MARK2: variants seen among roughly 807,000 people sequenced by gnomAD.
MARK2 encodes microtubule affinity regulating kinase 2.
A neutral mutation model predicts 89.8 loss-of-function variants in MARK2; 16 were observed. The ratio of observed to expected loss-of-function variants is 0.18; its 90% CI spans 0.12 to 0.27. The LOEUF (loss-of-function observed/expected upper bound fraction) is 0.27. Among genes scored for constraint, MARK2 ranks in the 10% least tolerant of loss-of-function variants. The pLI is 1.00. For missense variants in MARK2, 621 were observed against 1,049.9 expected, an observed-to-expected ratio of 0.59 and a Z score of 5.65; for synonymous variants, 382 against 399.5, an observed-to-expected ratio of 0.96 and a Z score of 0.52.
chr11:63,902,992 C>CT lies in MARK2; in HGVS notation c.1417-68dup. ...GGGACAGGAAGCCTGTTCCATGAAC[C>CT]TGGGGGGAGAACCTGGCTGTAGACC... On this transcript the variant is annotated intron_variant, in intron 13 of 18. Coordinates refer to ENST00000402010, the MANE Select transcript of MARK2 (RefSeq NM_001039469.3). This position sits in a 1 kb window ranked among gnomAD's most constrained non-coding sequence, Gnocchi z 4.2. 7.3e-7 allele frequency: 1 copy of CT among 1,375,264 alleles called. No individual in the cohort carries two copies. The highest frequency in any genetic ancestry group is 1.0e-6 in the Non-Finnish European group (1 of 965,166). The allele number at this position is 1,375,264 out of a possible 1,614,324, so 85.2% of individuals were successfully genotyped here.
intron 1 of MARK2, among the ~76,000 whole-genome samples, chr11:63,859,594 C>T (rs551461608): frequency 6.6e-5 from 10 of 151,830 alleles, no homozygotes; most frequent in African/African-American, 1.9e-4. Context: ...ACTAGGATTA[C>T]AGGCACAAGC....
At chr11:63,846,770 C>T (rs2016303676) in intron 1 of MARK2, among the ~76,000 whole-genome samples, 1 of 152,002 alleles carries the variant, frequency 6.6e-6, no homozygotes, top group Admixed American at 6.6e-5. Flanking sequence ...ATTCTCCTGC[C>T]TCAGCCTCCC....
In MARK2 at chr11:63,904,113, C is replaced by T. The variant is rs189266858; in HGVS notation, c.1642C>T (p.Pro548Ser). 1 of 1,598,400 alleles carries T rather than the reference C, an allele frequency of 6.3e-7. No individual in the cohort carries two copies. The highest frequency in any genetic ancestry group is 2.2e-5 in the East Asian group (1 of 44,496). ...VHPNKASGLP[P>S]TESNCEVPRP... The stretch of plus-strand genomic sequence containing the variant: ...CCCCAACAAGGCCTCTGGGCTGCCC[C>T]CCACGGAGAGTAACTGTGAGGTGCC... The change falls in exon 15 of 19, where the codon CCC becomes TCC. Residue 548 changes from proline to serine, a missense_variant. This residue lies in a region of MARK2 where 397 missense variants were observed against 567.8 expected (regional missense o/e 0.70). Coordinates refer to ENST00000402010, the MANE Select transcript of MARK2 (RefSeq NM_001039469.3). This position sits in a 1 kb window ranked among gnomAD's most constrained non-coding sequence, Gnocchi z 6.3.
intron 1 of MARK2, among the ~76,000 whole-genome samples, chr11:63,851,957 T>G (rs2016593211): frequency 1.3e-5 from 2 of 152,136 alleles, no homozygotes; most frequent in South Asian, 4.1e-4. Context: ...TACTTGAGAA[T>G]TTTGGACACT....
intron 1 of MARK2, among the ~76,000 whole-genome samples, chr11:63,859,188 G>T (rs1937612391): frequency 6.6e-6 from 1 of 152,046 alleles, no homozygotes; most frequent in Non-Finnish European, 1.5e-5. Context: ...CAATAGCTGA[G>T]AGCTGGTAGG....
At chr11:63,859,003 C>T (rs1177051550) in intron 1 of MARK2, among the ~76,000 whole-genome samples, 1 of 152,038 alleles carries the variant, frequency 6.6e-6, no homozygotes, top group Non-Finnish European at 1.5e-5. Context: ...TTTTTTATTC[C>T]ATTAAAAAGA....
At position 63,900,502 on chromosome 11, in the gene MARK2, G is replaced by A. The variant is rs534081100; in HGVS notation, c.769-57G>A. The A allele has an allele frequency of 2.3e-5, 36 of 1,590,536 alleles. No individual in the cohort carries two copies. The South Asian group carries it at 3.8e-4, about 17-fold the overall frequency. ...AAGCTCTCAGGATCTTGGATATTAGGTTTCTTCCTTTGGCCTTGGGGTGAT... is the reference window on the plus strand; with the variant it reads ...AAGCTCTCAGGATCTTGGATATTAGATTTCTTCCTTTGGCCTTGGGGTGAT... On this transcript the variant is annotated intron_variant, in intron 8 of 18. Transcript: ENST00000402010. The surrounding 1 kb of genome is among the most constrained non-coding windows in gnomAD (Gnocchi z 4.7).
intron 3 of MARK2, 130 bp from the exon 4 acceptor site, chr11:63,898,102 C>T: frequency 1.3e-6 from 1 of 748,442 alleles, no homozygotes; most frequent in Non-Finnish European, 2.4e-6. Flanking sequence ...ATGAGCTAGA[C>T]AACCACCCTA....
At chr11:63,856,585 G>A (rs1425134700) in intron 1 of MARK2, among the ~76,000 whole-genome samples, 6 of 150,624 alleles carry the variant, frequency 4.0e-5, no homozygotes, top group South Asian at 2.1e-4. Context: ...TACCACACCC[G>A]GCTAATTTTT....
At chr11:63,874,029 C>A (rs1938603401) in intron 1 of MARK2, among the ~76,000 whole-genome samples, 2 of 152,230 alleles carry the variant, frequency 1.3e-5, no homozygotes, top group African/African-American at 4.8e-5. Context: ...AGCCAGGGGT[C>A]AGCTTTTGTG....
In MARK2 at chr11:63,900,185, T is replaced by C. The variant is rs1940747018; in HGVS notation, c.768+75T>C. 2 of 1,117,340 alleles carry C rather than the reference T, an allele frequency of 1.8e-6. No homozygotes were observed. Among genetic ancestry groups the C allele is most frequent in the Non-Finnish European group, 2.7e-6 (2 of 741,276 alleles). The allele number at this position is 1,117,340 out of a possible 1,614,324, so 69.2% of individuals were successfully genotyped here. A position where few individuals can be genotyped will look rare whatever the true frequency, so the allele number is the denominator to read the frequency against. ...TGGTCTTAGCCCTGACCTCCTGCCT[T>C]TGCCACCTGTCTACATTTGTCCCAA... On this transcript the variant is annotated intron_variant, in intron 8 of 18. Transcript: ENST00000402010. This position sits in a 1 kb window ranked among gnomAD's most constrained non-coding sequence, Gnocchi z 4.7.
chr11:63,899,252 T>TC (rs1940669061), intron 7 of MARK2, 144 bp downstream of exon 7: 2 of 614,580 alleles, frequency 3.3e-6, no homozygotes, highest in Non-Finnish European at 5.7e-6. Flanking sequence ...TTTCTTTCTT[T>TC]TTTTTTTTTT....
chr11:63,891,308 T>C (rs1939837461), intron 1 of MARK2, among the ~76,000 whole-genome samples: 2 of 152,194 alleles, frequency 1.3e-5, no homozygotes, highest in African/African-American at 2.4e-5. Context: ...GTGACAGATT[T>C]AGGATTTGAA....
chr11:63,892,968 G>T (rs1314401807), intron 1 of MARK2, among the ~76,000 whole-genome samples: 1 of 147,742 alleles, frequency 6.8e-6, no homozygotes, highest in Non-Finnish European at 1.5e-5. Context: ...GAGTGCAGTG[G>T]TGCGATCTCA....
rs1554974107 is a variant in MARK2 at position 63,856,317 on chromosome 11, T to TTG, written c.54+16758_54+16759insGT. Among the ~76,000 whole-genome samples, 6 of 58,608 alleles carry TTG rather than the reference T, an allele frequency of 1.0e-4. No homozygotes were observed. The East Asian group carries it at 0.013, about 130-fold the overall frequency. The allele number at this position is 58,608 out of a possible 152,430, so 38.4% of individuals were successfully genotyped here. A position where few individuals can be genotyped will look rare whatever the true frequency, so the allele number is the denominator to read the frequency against. On this transcript the variant is annotated intron_variant, in intron 1 of 18. Transcript: ENST00000402010. ...ACCACTGGCCCTGTGGGTTTTTTTT[T>TTG]TTTGTTTTTTTTTTTTTTTTAAATA...
At chr11:63,863,158 A>C (rs981228679) in intron 1 of MARK2, among the ~76,000 whole-genome samples, 1 of 152,106 alleles carries the variant, frequency 6.6e-6, no homozygotes, top group Non-Finnish European at 1.5e-5. Context: ...AATTTATGCC[A>C]CTACTTCCTG....
chr11:63,888,941 G>A (rs1939592057), intron 1 of MARK2: 1 of 1,351,580 alleles, frequency 7.4e-7, no homozygotes, highest in Non-Finnish European at 9.8e-7. Flanking sequence ...GTCGCTGGTA[G>A]TCCTTTTCCC....
chr11:63,898,985 C>G (rs1940645132), intron 6 of MARK2, 67 bp from the exon 7 acceptor site: 1 of 1,281,230 alleles, frequency 7.8e-7, no homozygotes, highest in Non-Finnish European at 1.1e-6. Flanking sequence ...CACAGGGTCA[C>G]TGCTCTGTCA....
chr11:63,895,422 C>A, intron 2 of MARK2, 84 bp downstream of exon 2: 2 of 1,491,584 alleles, frequency 1.3e-6, no homozygotes, highest in Non-Finnish European at 1.9e-6. Context: ...CTACTGCAGC[C>A]AACCTCTTGT....
Sources: allele counts gnomAD v4.1 joint callset (sites outside exome capture counted in the v4.1 genomes callset), GRCh38; gene constraint gnomAD v4.1.1; regional missense constraint gnomAD v4.1.1; non-coding constraint Gnocchi (gnomAD v3.1); transcripts MANE v1.5; gene names NCBI Gene and HGNC (gene_info 2026-07-23, HGNC 2026-07-21).